JAKMIP1: variants seen among roughly 807,000 people sequenced by gnomAD.
JAKMIP1 encodes janus kinase and microtubule interacting protein 1.
In JAKMIP1, 33 loss-of-function variants were observed where a neutral mutation model predicts 113.0. That is an observed-to-expected ratio of 0.29 (90% confidence interval 0.22 to 0.39). JAKMIP1 has a LOEUF of 0.39. JAKMIP1 is among the 10% of genes least tolerant of loss of function. The pLI, the probability that JAKMIP1 is intolerant of heterozygous loss-of-function variation, is 1.00. For synonymous variants in JAKMIP1, 480 were observed against 459.9 expected, an observed-to-expected ratio of 1.04 and a Z score of -0.56; for missense variants, 813 against 1,080.5, an observed-to-expected ratio of 0.75 and a Z score of 3.47.
intron 1 of JAKMIP1, among the ~76,000 whole-genome samples, chr4:6,173,141 C>T (rs1234284350): frequency 1.3e-5 from 2 of 152,170 alleles, no homozygotes; most frequent in African/African-American, 2.4e-5. Flanking sequence ...GGAGATTTCA[C>T]CTCCCACTGG....
intron 11 of JAKMIP1, 119 bp from the exon 12 acceptor site, chr4:6,056,878 G>A: frequency 1.4e-6 from 1 of 737,462 alleles, no homozygotes; most frequent in South Asian, 1.5e-5. Context: ...CATAAAAAAT[G>A]ACAGCCGTGA....
rs1719904233 is a variant in JAKMIP1 at position 6,140,148 on chromosome 4, T to A, written c.-147-27151A>T. 6.6e-6 allele frequency among the ~76,000 whole-genome samples: 1 copy of A among 152,180 alleles called. No homozygotes were observed. The highest frequency in any genetic ancestry group is 2.1e-4 in the South Asian group (1 of 4,830). On this transcript the variant is annotated intron_variant, in intron 1 of 20. Coordinates refer to ENST00000409021, the MANE Select transcript of JAKMIP1 (RefSeq NM_001099433.2). This position sits in a 1 kb window ranked among gnomAD's most constrained non-coding sequence, Gnocchi z 9.4. Reference sequence around the variant, plus strand: ...TGTCCCAGTTTTTTGGAGACCAATTTCATACACACAGGGGAGAAAGGCTGA... The same window carrying A: ...TGTCCCAGTTTTTTGGAGACCAATTACATACACACAGGGGAGAAAGGCTGA...
Position 6,088,877 on chromosome 4 carries a change from G to T in JAKMIP1, c.625-3248C>A, listed in dbSNP as rs758839536. On this transcript the variant is annotated intron_variant, in intron 3 of 20. Coordinates refer to ENST00000409021, the MANE Select transcript of JAKMIP1 (RefSeq NM_001099433.2). This position sits in a 1 kb window ranked among gnomAD's most constrained non-coding sequence, Gnocchi z 5.5. ...GCATCCATTTCCCCTTCTCCCATAC[G>T]CCCAGTCTCAGCATGTGCAGTAGGA... Among the ~76,000 whole-genome samples, 1 of 152,030 alleles carries T rather than the reference G, an allele frequency of 6.6e-6. No homozygotes were observed. Among genetic ancestry groups the T allele is most frequent in the East Asian group, 1.9e-4 (1 of 5,182 alleles).
At position 6,105,457 on chromosome 4, in the gene JAKMIP1, AG is replaced by A. The variant is rs1405488825; in HGVS notation, c.624+15del. Reference sequence around the variant, plus strand: ...AAGGCCGCGTGCCCGCGGGCGGGGGAGGGGGCGGCACGTACCAGCCTGCGGA... The same window carrying A: ...AAGGCCGCGTGCCCGCGGGCGGGGGAGGGGCGGCACGTACCAGCCTGCGGA... On this transcript the variant is annotated intron_variant, in intron 3 of 20. Transcript: ENST00000409021. 2 of 1,569,344 alleles carry A rather than the reference AG, an allele frequency of 1.3e-6. No individual in the cohort carries two copies. The highest frequency in any genetic ancestry group is 1.2e-5 in the South Asian group (1 of 85,884).
chr4:6,190,319 CAT>C (rs200044359), intron 1 of JAKMIP1, among the ~76,000 whole-genome samples: 2,526 of 152,326 alleles, frequency 0.017, 26 homozygotes, highest in South Asian at 0.033. Flanking sequence ...CATAGTTACA[CAT>C]GTTTTGTTGC....
At chr4:6,083,402 CAA>C (rs77719269) in intron 5 of JAKMIP1, among the ~76,000 whole-genome samples, 36 of 109,824 alleles carry the variant, frequency 3.3e-4, no homozygotes, top group Admixed American at 5.7e-4. Context: ...GACTCCACCT[CAA>C]AAAAAAAAAA....
chr4:6,191,913 T>TTTTTTTTATTTATTTATTTA (rs1553866637), intron 1 of JAKMIP1, among the ~76,000 whole-genome samples: 3 of 141,108 alleles, frequency 2.1e-5, no homozygotes, highest in East Asian at 2.1e-4. Context: ...CAGGAGTGCA[T>TTTTTTTTATTTATTTATTTA]TTTATTTATT....
intron 1 of JAKMIP1, among the ~76,000 whole-genome samples, chr4:6,173,210 T>C (rs1213762424): frequency 6.6e-6 from 1 of 152,220 alleles, no homozygotes; most frequent in Non-Finnish European, 1.5e-5. Flanking sequence ...GTTAATGTCC[T>C]TAGTCTTTTC....
rs1715529695 is a variant in JAKMIP1, at chr4:6,050,540, G to C, written c.1908+38C>G. 2 of 1,458,536 alleles carry C rather than the reference G, an allele frequency of 1.4e-6. No homozygotes were observed. Among genetic ancestry groups the C allele is most frequent in the South Asian group, 2.4e-5 (2 of 82,120 alleles). 90.3% of individuals were successfully genotyped at this position (1,458,536 alleles called of 1,614,324 possible). A position where few individuals can be genotyped will look rare whatever the true frequency, so the allele number is the denominator to read the frequency against. ...TGAGCCGGGCACTGAGCGAGCCCTTGGCTGGCATTCAGCAGAGGCACCCCC... is the reference window on the plus strand; with the variant it reads ...TGAGCCGGGCACTGAGCGAGCCCTTCGCTGGCATTCAGCAGAGGCACCCCC... On this transcript the variant is annotated intron_variant, in intron 14 of 20. Coordinates refer to ENST00000409021, the MANE Select transcript of JAKMIP1 (RefSeq NM_001099433.2). The surrounding 1 kb of genome is among the most constrained non-coding windows in gnomAD (Gnocchi z 7.4).
chr4:6,051,054 GGC>G lies in JAKMIP1; in HGVS notation c.1807-377_1807-376del, dbSNP rs1715597226. 6.6e-6 allele frequency among the ~76,000 whole-genome samples: 1 copy of G among 152,190 alleles called. No homozygotes were observed. The highest frequency in any genetic ancestry group is 2.4e-5 in the African/African-American group (1 of 41,456). On this transcript the variant is annotated intron_variant, in intron 13 of 20. Transcript: ENST00000409021. The surrounding 1 kb of genome is among the most constrained non-coding windows in gnomAD (Gnocchi z 5.0). ...AACTATGGTTTATTACTCTGTGCCA[GGC>G]ACACCACTCTCCCGTCTAATCCTCA...
In JAKMIP1 at chr4:6,051,231, T is replaced by C. The variant is rs1335026229; in HGVS notation, c.1807-552A>G. Among the ~76,000 whole-genome samples the C allele has an allele frequency of 6.6e-6, 1 of 150,990 alleles. No homozygotes were observed. The highest frequency in any genetic ancestry group is 2.4e-5 in the African/African-American group (1 of 41,090). On this transcript the variant is annotated intron_variant, in intron 13 of 20. Transcript: ENST00000409021. This position sits in a 1 kb window ranked among gnomAD's most constrained non-coding sequence, Gnocchi z 5.0. ...TTCTTTCTTTTTCTTTCCTTTTTTTTTTTTTTTTGAGAGGGTGTTCTGTTC... is the reference window on the plus strand; with the variant it reads ...TTCTTTCTTTTTCTTTCCTTTTTTTCTTTTTTTTGAGAGGGTGTTCTGTTC...
intron 18 of JAKMIP1, among the ~76,000 whole-genome samples, chr4:6,039,740 G>C (rs1714067243): frequency 2.0e-5 from 3 of 152,110 alleles, no homozygotes; most frequent in Admixed American, 2.0e-4. Context: ...CGACAGGAAG[G>C]GACAAGGGTC....
At chr4:6,161,037 A>ACGCAC (rs1722864724) in intron 1 of JAKMIP1, among the ~76,000 whole-genome samples, 1 of 94,382 alleles carries the variant, frequency 1.1e-5, no homozygotes, top group Non-Finnish European at 2.1e-5. Context: ...CCTGACCTCC[A>ACGCAC]CTCACCTCCC....
intron 3 of JAKMIP1, among the ~76,000 whole-genome samples, chr4:6,103,005 ATTTAT>A (rs1553835652): frequency 6.6e-6 from 1 of 151,788 alleles, no homozygotes; most frequent in Non-Finnish European, 1.5e-5. Flanking sequence ...TGAAACTTTT[ATTTAT>A]TTTATTTTAT....
At position 6,080,376 on chromosome 4, in the gene JAKMIP1, G is replaced by C; in HGVS notation, c.1102-64C>G. 6.4e-7 allele frequency: 1 copy of C among 1,567,224 alleles called. No homozygotes were observed. The highest frequency in any genetic ancestry group is 1.7e-4 in the Middle Eastern group (1 of 5,836). ...GCCAACAGTGTTTGTTAGGGACAGT[G>C]CTGGAGTGGAGCTCAGGGGTGCAGG... On this transcript the variant is annotated intron_variant, in intron 6 of 20. Coordinates refer to ENST00000409021, the MANE Select transcript of JAKMIP1 (RefSeq NM_001099433.2). The surrounding 1 kb of genome is among the most constrained non-coding windows in gnomAD (Gnocchi z 6.0).
In JAKMIP1 at chr4:6,049,041, G is replaced by T; in HGVS notation, c.1963-119C>A. 1 of 749,108 alleles carries T rather than the reference G, an allele frequency of 1.3e-6. No individual in the cohort carries two copies. Among genetic ancestry groups the T allele is most frequent in the Non-Finnish European group, 2.3e-6 (1 of 440,604 alleles). 46.4% of individuals were successfully genotyped at this position (749,108 alleles called of 1,614,324 possible). On this transcript the variant is annotated intron_variant, in intron 15 of 20. Transcript: ENST00000409021. The surrounding 1 kb of genome is among the most constrained non-coding windows in gnomAD (Gnocchi z 7.0). ...GTTGTTTGTTTTATTATGTTTGTTT[G>T]TTTTGAGACGGAGTCTCTCTCTGTC... is the stretch of plus-strand genomic sequence containing the variant.
In JAKMIP1 at chr4:6,138,281, T is replaced by C. The variant is rs1480554501; in HGVS notation, c.-147-25284A>G. ...TTATTTTTTTGAGACAGAGTCTCAC[T>C]CTGTCACCCAGGCTGGAGTGCAGTG... On this transcript the variant is annotated intron_variant, in intron 1 of 20. Transcript: ENST00000409021. This position sits in a 1 kb window ranked among gnomAD's most constrained non-coding sequence, Gnocchi z 6.0. 6.6e-6 allele frequency among the ~76,000 whole-genome samples: 1 copy of C among 152,188 alleles called. No individual in the cohort carries two copies. The highest frequency in any genetic ancestry group is 1.5e-5 in the Non-Finnish European group (1 of 68,032).
At chr4:6,127,741 C>T (rs1717905390) in intron 1 of JAKMIP1, among the ~76,000 whole-genome samples, 1 of 152,246 alleles carries the variant, frequency 6.6e-6, no homozygotes, top group Admixed American at 6.5e-5. Context: ...GGTCCCCCAG[C>T]CTCTCTCGAA....
chr4:6,099,185 A>G (rs1712586808), intron 3 of JAKMIP1, among the ~76,000 whole-genome samples: 1 of 152,186 alleles, frequency 6.6e-6, no homozygotes, highest in Non-Finnish European at 1.5e-5. Flanking sequence ...CTGCCTTTTA[A>G]CTGGTTTAGT....
Sources: allele counts gnomAD v4.1 joint callset (sites outside exome capture counted in the v4.1 genomes callset), GRCh38; gene constraint gnomAD v4.1.1; non-coding constraint Gnocchi (gnomAD v3.1); transcripts MANE v1.5; gene names NCBI Gene and HGNC (gene_info 2026-07-23, HGNC 2026-07-21).